Variants in KCNIP4 observed in about 807,000 individuals in gnomAD.
KCNIP4 encodes Kv channel-interacting protein 4.
Under a neutral mutation model 34.0 loss-of-function variants are expected in KCNIP4, and 12 were observed. The ratio of observed to expected loss-of-function variants is 0.35; its 90% CI spans 0.23 to 0.57. The LOEUF is 0.57. Among genes scored for constraint, KCNIP4 ranks in the 20% least tolerant of loss-of-function variants. The probability of loss-of-function intolerance (pLI) is 0.83; values close to 1 mark genes in which losing one functional copy is unlikely to be tolerated. For missense variants in KCNIP4, 238 were observed against 311.7 expected, an observed-to-expected ratio of 0.76 and a Z score of 1.78; for synonymous variants, 124 against 102.2, an observed-to-expected ratio of 1.21 and a Z score of -1.29.
chr4:21,248,996 A>AT (rs1383582657), intron 1 of KCNIP4, among the ~76,000 whole-genome samples: 9 of 152,118 alleles, frequency 5.9e-5, no homozygotes, highest in Admixed American at 1.3e-4. Context: ...GTATCATGTG[A>AT]TTTTCTCTAC....
intron 1 of KCNIP4, among the ~76,000 whole-genome samples, chr4:20,915,703 C>T (rs1278050604): frequency 6.6e-6 from 1 of 151,902 alleles, no homozygotes; most frequent in African/African-American, 2.4e-5. Flanking sequence ...TATATATACA[C>T]ACATAATAAA....
At chr4:21,473,279 A>G (rs952803568) in intron 1 of KCNIP4, among the ~76,000 whole-genome samples, 1 of 152,178 alleles carries the variant, frequency 6.6e-6, no homozygotes, top group Non-Finnish European at 1.5e-5. Flanking sequence ...TATATTTCTC[A>G]GTCAGGGAAT....
chr4:21,296,893 T>C (rs1578039020), intron 1 of KCNIP4, among the ~76,000 whole-genome samples: 1 of 151,616 alleles, frequency 6.6e-6, no homozygotes, highest in Non-Finnish European at 1.5e-5. Flanking sequence ...AAGCAAGCAG[T>C]TAGGAAGGTA....
chr4:21,236,958 ATC>A (rs1272157959), intron 1 of KCNIP4, among the ~76,000 whole-genome samples: 1 of 151,758 alleles, frequency 6.6e-6, no homozygotes, highest in Non-Finnish European at 1.5e-5. Context: ...GTGAGCCGAG[ATC>A]GTGCCACTGC....
chr4:20,878,454 A>G (rs1291770579), intron 2 of KCNIP4, among the ~76,000 whole-genome samples: 1 of 152,176 alleles, frequency 6.6e-6, no homozygotes, highest in African/African-American at 2.4e-5. Context: ...CAATCAAGAT[A>G]TGTCCCCTGC....
At chr4:21,666,548 G>A (rs985264621) in intron 1 of KCNIP4, among the ~76,000 whole-genome samples, 4 of 152,266 alleles carry the variant, frequency 2.6e-5, no homozygotes, top group Middle Eastern at 3.4e-3. Flanking sequence ...TATGAAGGAG[G>A]AAAGTTAATA....
intron 3 of KCNIP4, among the ~76,000 whole-genome samples, chr4:20,796,807 A>T (rs73802336): frequency 0.02 from 3,017 of 152,290 alleles, 76 homozygotes; most frequent in African/African-American, 0.058. Context: ...AAAAAAACAG[A>T]TTCCATCATA....
chr4:21,467,051 C>T (rs528840251), intron 1 of KCNIP4, among the ~76,000 whole-genome samples: 2 of 140,996 alleles, frequency 1.4e-5, no homozygotes, highest in African/African-American at 5.3e-5. Flanking sequence ...AAACCAAAAC[C>T]AAACCAAACC....
intron 1 of KCNIP4, among the ~76,000 whole-genome samples, chr4:21,878,281 G>T (rs1726256211): frequency 6.6e-6 from 1 of 152,100 alleles, no homozygotes; most frequent in African/African-American, 2.4e-5. Context: ...TCACCATGTT[G>T]GCCAGGCTGG....
intron 1 of KCNIP4, among the ~76,000 whole-genome samples, chr4:21,759,913 C>T (rs554382085): frequency 1.3e-5 from 2 of 152,014 alleles, no homozygotes; most frequent in African/African-American, 4.8e-5. Context: ...TAATATACTG[C>T]TCCTTTAGAT....
intron 1 of KCNIP4, among the ~76,000 whole-genome samples, chr4:20,891,399 G>A (rs1233227137): frequency 6.6e-6 from 1 of 152,124 alleles, no homozygotes; most frequent in Non-Finnish European, 1.5e-5. Flanking sequence ...GAGGTTGGTA[G>A]ATCGAGACCA....
At chr4:21,344,255 G>A (rs751162114) in intron 1 of KCNIP4, among the ~76,000 whole-genome samples, 1 of 152,140 alleles carries the variant, frequency 6.6e-6, no homozygotes, top group Non-Finnish European at 1.5e-5. Flanking sequence ...AATGTGGACT[G>A]TGAGAGAAAC....
At chr4:21,630,922 T>A (rs1235831766) in intron 1 of KCNIP4, among the ~76,000 whole-genome samples, 2 of 152,200 alleles carry the variant, frequency 1.3e-5, no homozygotes, top group Non-Finnish European at 2.9e-5. Flanking sequence ...CCATGTTGTG[T>A]CTTGAACACC....
rs185658823 is a variant in KCNIP4 at position 21,890,937 on chromosome 4, C to T, written c.61+57634G>A. 2.6e-5 allele frequency among the ~76,000 whole-genome samples: 4 copies of T among 152,210 alleles called. No individual in the cohort carries two copies. The East Asian group carries it at 7.7e-4, about 29-fold the overall frequency. ...AGTAGTGGCAGGGTAGACAAGAGAA[C>T]TGTGACCACTTGTAAAAAGCATGCA... On this transcript the variant is annotated intron_variant, in intron 1 of 8. Coordinates refer to ENST00000382152, the MANE Select transcript of KCNIP4 (RefSeq NM_025221.6).
chr4:21,209,642 T>G (rs1757094390), intron 1 of KCNIP4, among the ~76,000 whole-genome samples: 1 of 152,148 alleles, frequency 6.6e-6, no homozygotes. Context: ...TATCTATCTA[T>G]CATATCTGTA....
At chr4:20,918,384 A>G (rs182087891) in intron 1 of KCNIP4, among the ~76,000 whole-genome samples, 77 of 152,328 alleles carry the variant, frequency 5.1e-4, no homozygotes, top group African/African-American at 1.7e-3. Context: ...TGATATTAAA[A>G]GAAGTCATGG....
rs557101212 is a variant in KCNIP4 at position 21,931,523 on chromosome 4, G to GT, written c.61+17047dup. ...TATGAGTGAGAACAGGCGGTGTTTG[G>GT]TTTTTTGTCCTTGGGATAGTCTGCT... On this transcript the variant is annotated intron_variant, in intron 1 of 8. Coordinates refer to ENST00000382152, the MANE Select transcript of KCNIP4 (RefSeq NM_025221.6). Among the ~76,000 whole-genome samples the GT allele has an allele frequency of 2.7e-3, 411 of 149,966 alleles. 4 individuals are homozygous for GT. Among genetic ancestry groups the GT allele is most frequent in the Non-Finnish European group, 3.2e-3 (216 of 67,652 alleles).
intron 3 of KCNIP4, among the ~76,000 whole-genome samples, chr4:20,821,675 T>A (rs1230571483): frequency 6.6e-6 from 1 of 151,752 alleles, no homozygotes; most frequent in Non-Finnish European, 1.5e-5. Context: ...ATTGTATCAC[T>A]CTTGTGCCTT....
intron 1 of KCNIP4, among the ~76,000 whole-genome samples, chr4:21,796,987 G>T (rs1192889487): frequency 6.6e-6 from 1 of 152,066 alleles, no homozygotes; most frequent in East Asian, 1.9e-4. Context: ...TGAGCAAGAG[G>T]CTCCATTTTC....
Sources: allele counts gnomAD v4.1 joint callset (sites outside exome capture counted in the v4.1 genomes callset), GRCh38; gene constraint gnomAD v4.1.1; transcripts MANE v1.5; gene names NCBI Gene and HGNC (gene_info 2026-07-23, HGNC 2026-07-21).